The following LGMN variants were observed in gnomAD, a reference collection of about 807,000 sequenced individuals.
LGMN encodes legumain.
LGMN carries 36 observed loss-of-function variants against 56.8 expected under a neutral mutation model. That is an observed-to-expected ratio of 0.63 (90% CI 0.49 to 0.84). The LOEUF is 0.84. Among genes scored for constraint, LGMN ranks in the 40% least tolerant of loss-of-function variants. LGMN has a pLI of 0.00. For missense variants in LGMN, 446 were observed against 556.1 expected (o/e 0.80, Z 1.99); for synonymous variants, 199 against 210.1 (o/e 0.95, Z 0.46).
rs879893446 is a variant in LGMN at position 92,725,958 on chromosome 14, C to T, written c.138+6691G>A. Among the ~76,000 whole-genome samples the T allele has an allele frequency of 4.0e-5, 6 of 151,786 alleles. No homozygotes were observed. The East Asian group carries it at 5.8e-4, about 15-fold the overall frequency. ...ACCATAAGTTATGAGCTCATCTGAC[C>T]GGGCACAGTGGCTCATACCTGTAAT... On this transcript the variant is annotated intron_variant, in intron 2 of 13. Transcript: ENST00000334869.
chr14:92,718,791 T>C lies in LGMN; in HGVS notation c.192A>G (p.Glu64=). ...QIIHRNGIPD[E]QIVVMMYDDI... is the part of the protein sequence containing the mutation. ...CATCGTACATCATCACAACGATCTG[T>C]TCGTCAGGAATCCCATTGCGGTGAA... Residue 64 remains glutamate, a synonymous_variant, in exon 3 of 14, where the codon GAA becomes GAG. Transcript: ENST00000334869. 1 of 1,613,356 alleles carries C rather than the reference T, an allele frequency of 6.2e-7. No homozygotes were observed. Among genetic ancestry groups the C allele is most frequent in the Non-Finnish European group, 8.5e-7 (1 of 1,179,494 alleles).
rs1889961866 is a variant in LGMN, at chr14:92,714,465, A to T, written c.405-14T>A. 6.4e-7 allele frequency: 1 copy of T among 1,555,772 alleles called. No individual in the cohort carries two copies. Among genetic ancestry groups the T allele is most frequent in the East Asian group, 2.2e-5 (1 of 44,578 alleles). ...TCCTGGGGGCCACTGCCAAGAAGGA[A>T]TCGGGGGTCAATCATTTCCTTTTTC... On this transcript the variant is annotated splice_polypyrimidine_tract_variant and intron_variant, in intron 5 of 13. Coordinates refer to ENST00000334869, the MANE Select transcript of LGMN (RefSeq NM_005606.7). The surrounding 1 kb of genome is among the most constrained non-coding windows in gnomAD (Gnocchi z 5.1).
intron 2 of LGMN, among the ~76,000 whole-genome samples, chr14:92,725,824 C>T (rs1890715831): frequency 6.6e-6 from 1 of 152,060 alleles, no homozygotes; most frequent in African/African-American, 2.4e-5. Context: ...ATCCACCTAC[C>T]TTGGTCTCCC....
chr14:92,712,220 A>G (rs576554524), intron 8 of LGMN, among the ~76,000 whole-genome samples: 1 of 152,358 alleles, frequency 6.6e-6, no homozygotes, highest in Non-Finnish European at 1.5e-5. Flanking sequence ...ACATCATGCT[A>G]TTCTGGAAGA....
intron 2 of LGMN, among the ~76,000 whole-genome samples, chr14:92,723,498 C>T (rs921280644): frequency 6.6e-6 from 1 of 152,148 alleles, no homozygotes; most frequent in Non-Finnish European, 1.5e-5. Flanking sequence ...GCAGGCAAAA[C>T]GTGGTCTATC....
At chr14:92,720,694 G>C (rs1013944865) in intron 2 of LGMN, among the ~76,000 whole-genome samples, 1 of 152,122 alleles carries the variant, frequency 6.6e-6, no homozygotes, top group Non-Finnish European at 1.5e-5. Context: ...CACTAATTGT[G>C]GTAGGCAAAA....
At chr14:92,735,365 C>T (rs1891255481) in intron 1 of LGMN, among the ~76,000 whole-genome samples, 1 of 152,180 alleles carries the variant, frequency 6.6e-6, no homozygotes. Flanking sequence ...CACCACCATG[C>T]CCAGCTAATT....
chr14:92,715,984 C>A, intron 5 of LGMN, 152 bp downstream of exon 5: 1 of 519,480 alleles, frequency 1.9e-6, no homozygotes, highest in South Asian at 2.4e-5. Context: ...AACAACAGCC[C>A]TAAGCACCTG....
chr14:92,707,138 C>G (rs1889474742), intron 11 of LGMN, among the ~76,000 whole-genome samples: 1 of 152,100 alleles, frequency 6.6e-6, no homozygotes, highest in Admixed American at 6.6e-5. Context: ...GGCCTGTACT[C>G]CCAGTACTTT....
intron 7 of LGMN, 71 bp from the exon 8 acceptor site, chr14:92,712,942 T>C: frequency 2.9e-6 from 4 of 1,387,144 alleles, no homozygotes; most frequent in Non-Finnish European, 4.0e-6. Context: ...ACTGGAGCTC[T>C]GCCCACTCTC....
At chr14:92,723,889 G>A (rs574209975) in intron 2 of LGMN, among the ~76,000 whole-genome samples, 10 of 152,178 alleles carry the variant, frequency 6.6e-5, no homozygotes, top group African/African-American at 2.2e-4. Context: ...GTGCCACCAC[G>A]CCCAGCTAAT....
intron 5 of LGMN, chr14:92,715,724 T>TA (rs1890039617): frequency 6.5e-6 from 1 of 154,452 alleles, no homozygotes; most frequent in Non-Finnish European, 1.4e-5. Flanking sequence ...TGAAGGGACT[T>TA]ACGAATGTGC....
chr14:92,718,626 CT>C, intron 3 of LGMN, 120 bp downstream of exon 3: 1 of 534,680 alleles, frequency 1.9e-6, no homozygotes, highest in Non-Finnish European at 3.4e-6. Context: ...CTGTGATCTT[CT>C]GTCTGGGAGT....
chr14:92,706,563 C>A lies in LGMN; in HGVS notation c.1111G>T (p.Ala371Ser), dbSNP rs373052606. The A allele has an allele frequency of 1.9e-5, 30 of 1,604,204 alleles. No homozygotes were observed. Among genetic ancestry groups the A allele is most frequent in the East Asian group, 4.5e-5 (2 of 44,722 alleles). The change falls in exon 12 of 14, where the codon GCC (alanine) becomes TCC (serine). Residue 371 changes from alanine (A) to serine (S), a missense_variant. Physicochemically the swap from Ala to Ser is moderately conservative, Grantham distance 99. Coordinates refer to ENST00000334869, the MANE Select transcript of LGMN (RefSeq NM_005606.7). ...AEVEQLLSER[A>S]PLTGHSCYPE... is the part of the protein sequence containing the mutation. ...TAGCAGCTGTGCCCCGTGAGCGGGGCTCTCTCGGACAGGAGCTGCTCCACC... is the reference window on the plus strand; with the variant it reads ...TAGCAGCTGTGCCCCGTGAGCGGGGATCTCTCGGACAGGAGCTGCTCCACC...
intron 2 of LGMN, among the ~76,000 whole-genome samples, chr14:92,729,757 C>T (rs1890953568): frequency 6.6e-6 from 1 of 152,204 alleles, no homozygotes. Context: ...TAATGATAAG[C>T]CTCCAAAGTC....
chr14:92,728,276 G>A (rs1434265501), intron 2 of LGMN, among the ~76,000 whole-genome samples: 2 of 152,146 alleles, frequency 1.3e-5, no homozygotes, highest in East Asian at 1.9e-4. Flanking sequence ...CAAGGAGTGC[G>A]CAGCCTGGAT....
intron 2 of LGMN, among the ~76,000 whole-genome samples, chr14:92,729,468 C>CCCCCCCG (rs1890923691): frequency 3.7e-5 from 1 of 27,202 alleles, no homozygotes; most frequent in Non-Finnish European, 8.8e-5. Context: ...TCAGATCACG[C>CCCCCCCG]CCCCCCCCCC....
chr14:92,715,984 C>T, intron 5 of LGMN, 152 bp downstream of exon 5: 1 of 519,482 alleles, frequency 1.9e-6, no homozygotes, highest in Non-Finnish European at 3.5e-6. Flanking sequence ...AACAACAGCC[C>T]TAAGCACCTG....
intron 2 of LGMN, among the ~76,000 whole-genome samples, chr14:92,727,429 C>CAAAAAA (rs35889328): frequency 2.1e-5 from 1 of 47,974 alleles, no homozygotes; most frequent in African/African-American, 8.4e-5. Context: ...GACTGCCTCA[C>CAAAAAA]AAAAAAAAAA....
Sources: gnomAD v4.1 joint callset for allele counts (sites outside exome capture counted in the v4.1 genomes callset) on GRCh38, gnomAD v4.1.1 for gene constraint, Gnocchi (gnomAD v3.1) non-coding constraint, MANE v1.5 for transcripts, NCBI Gene and HGNC (gene_info 2026-07-23, HGNC 2026-07-21) for gene names.